Variants in WHRN observed in about 807,000 individuals in gnomAD.
WHRN encodes the protein whirlin.
A neutral mutation model predicts 68.3 loss-of-function variants in WHRN; 41 were observed. The ratio of observed to expected loss-of-function variants is 0.60; its 90% CI spans 0.47 to 0.78. The LOEUF is 0.78. Ranked by LOEUF, WHRN falls within the 30% of genes least tolerant of loss-of-function variation. WHRN has a pLI of 0.00. For missense variants in WHRN, 1,243 were observed against 1,244.7 expected (o/e 1.00, Z 0.02); for synonymous variants, 560 against 561.3 (o/e 1.00, Z 0.03).
intron 7 of WHRN, among the ~76,000 whole-genome samples, chr9:114,409,895 T>A (rs764085112): frequency 6.6e-6 from 1 of 151,974 alleles, no homozygotes; most frequent in Non-Finnish European, 1.5e-5. Flanking sequence ...TAGGGAGTCA[T>A]GCCAGAAACA....
intron 9 of WHRN, 108 bp downstream of exon 9, chr9:114,406,247 C>A (rs1835013951): frequency 1.3e-6 from 2 of 1,496,130 alleles, no homozygotes; most frequent in East Asian, 2.3e-5. Context: ...TGGCCCTGAG[C>A]CCCCTCAACA....
rs570884964 is a variant in WHRN, at chr9:114,436,024, A to G, written c.964-9611T>C. On this transcript the variant is annotated intron_variant, in intron 3 of 11. Coordinates refer to ENST00000362057, the MANE Select transcript of WHRN (RefSeq NM_015404.4). ...TAACATTATCCCAACAAAAACATCA[A>G]CAAGCTTTTGTTAGAAAAGTCAGCA... 3.2e-4 allele frequency among the ~76,000 whole-genome samples: 49 copies of G among 152,336 alleles called. No homozygotes were observed. The South Asian group carries it at 7.5e-3, about 23-fold the overall frequency.
chr9:114,409,739 G>GCT (rs1415908790), intron 7 of WHRN, among the ~76,000 whole-genome samples: 1 of 151,540 alleles, frequency 6.6e-6, no homozygotes, highest in African/African-American at 2.4e-5. Context: ...GCATGCTGTC[G>GCT]CTCACCTCCA....
chr9:114,486,351 C>T (rs1189695635), intron 1 of WHRN, among the ~76,000 whole-genome samples: 1 of 152,228 alleles, frequency 6.6e-6, no homozygotes, highest in East Asian at 1.9e-4. Flanking sequence ...GCATCCAGCA[C>T]ACTTCTGTGA....
Position 114,505,463 on chromosome 9 carries a change from G to C in WHRN, c.-662C>G, listed in dbSNP as rs1463506687. Reference sequence around the variant, plus strand: ...GACTTTGCGAACTGTTGAGCCACCCGGGCCGAGTCTTCCAGCGAGTTCCGA... The same window carrying C: ...GACTTTGCGAACTGTTGAGCCACCCCGGCCGAGTCTTCCAGCGAGTTCCGA... On this transcript the variant is annotated 5_prime_UTR_variant, in exon 1 of 12. Coordinates refer to ENST00000362057, the MANE Select transcript of WHRN (RefSeq NM_015404.4). 1.3e-5 allele frequency: 2 copies of C among 152,280 alleles called. No individual in the cohort carries two copies. The highest frequency in any genetic ancestry group is 4.1e-4 in the South Asian group (2 of 4,840). The allele number at this position is 152,280 out of a possible 1,614,324, so 9.4% of individuals were successfully genotyped here.
chr9:114,502,196 C>A (rs1843991272), intron 1 of WHRN, among the ~76,000 whole-genome samples: 2 of 152,106 alleles, frequency 1.3e-5, no homozygotes, highest in Admixed American at 6.5e-5. Context: ...AGTGGGGTGA[C>A]CCTGGGGCAA....
chr9:114,500,665 A>T (rs1333449956), intron 1 of WHRN, among the ~76,000 whole-genome samples: 1 of 152,206 alleles, frequency 6.6e-6, no homozygotes, highest in Non-Finnish European at 1.5e-5. Flanking sequence ...GTGCCCCGCT[A>T]CCCTGTGTTC....
chr9:114,404,703 C>G (rs1045629970), intron 9 of WHRN, among the ~76,000 whole-genome samples: 6 of 152,224 alleles, frequency 3.9e-5, no homozygotes, highest in African/African-American at 1.4e-4. Context: ...ACCAGCTGTG[C>G]AAGCCTGGGC....
intron 3 of WHRN, among the ~76,000 whole-genome samples, chr9:114,448,442 G>A (rs2132673811): frequency 6.6e-6 from 1 of 152,204 alleles, no homozygotes; most frequent in African/African-American, 2.4e-5. Flanking sequence ...CCCAGTGTGT[G>A]GTCATTTGGT....
rs72748824 is a variant in WHRN, at chr9:114,428,048, C to T, written c.964-1635G>A. 4.6e-3 allele frequency among the ~76,000 whole-genome samples: 697 copies of T among 152,342 alleles called. 3 individuals carry two copies. The highest frequency in any genetic ancestry group is 7.3e-3 in the Non-Finnish European group (497 of 68,026). On this transcript the variant is annotated intron_variant, in intron 3 of 11. Transcript: ENST00000362057. ...GAATTAAAAAAATCATCAGATGAGG[C>T]CAGGCATCGTGGCTCATGCCTGTAA...
chr9:114,440,721 T>C lies in WHRN; in HGVS notation c.964-14308A>G, dbSNP rs74770191. Among the ~76,000 whole-genome samples, 292 of 152,332 alleles carry C rather than the reference T, an allele frequency of 1.9e-3. 2 individuals are homozygous for C. The highest frequency in any genetic ancestry group is 6.8e-3 in the African/African-American group (284 of 41,576). ...TAATTTCAAAGCCACTTTCTGTTGCTAGTTCAGTGTGCTCAAGTTTTGAAA... is the reference window on the plus strand; with the variant it reads ...TAATTTCAAAGCCACTTTCTGTTGCCAGTTCAGTGTGCTCAAGTTTTGAAA... On this transcript the variant is annotated intron_variant, in intron 3 of 11. Coordinates refer to ENST00000362057, the MANE Select transcript of WHRN (RefSeq NM_015404.4).
chr9:114,483,079 G>A (rs1462237757), intron 1 of WHRN, among the ~76,000 whole-genome samples: 2 of 152,218 alleles, frequency 1.3e-5, no homozygotes, highest in Non-Finnish European at 1.5e-5. Flanking sequence ...AGCCACTCAA[G>A]CGTAGACCAT....
intron 3 of WHRN, among the ~76,000 whole-genome samples, chr9:114,430,679 A>G (rs916988813): frequency 6.6e-6 from 1 of 152,210 alleles, no homozygotes; most frequent in African/African-American, 2.4e-5. Flanking sequence ...CATGCCTGTT[A>G]AGTAAATATA....
chr9:114,488,217 G>A (rs1164819554), intron 1 of WHRN, among the ~76,000 whole-genome samples: 1 of 152,196 alleles, frequency 6.6e-6, no homozygotes, highest in Admixed American at 6.5e-5. Context: ...TATGCTCATG[G>A]AGCTGTCATG....
At chr9:114,428,056 C>T (rs1449695689) in intron 3 of WHRN, among the ~76,000 whole-genome samples, 2 of 152,174 alleles carry the variant, frequency 1.3e-5, no homozygotes, top group Non-Finnish European at 2.9e-5. Flanking sequence ...GGCCAGGCAT[C>T]GTGGCTCATG....
intron 3 of WHRN, among the ~76,000 whole-genome samples, chr9:114,462,934 C>T (rs1228108849): frequency 5.3e-5 from 8 of 152,110 alleles, no homozygotes; most frequent in East Asian, 1.9e-4. Context: ...AGAGAGAGGG[C>T]GAGATGCTCA....
chr9:114,474,966 C>G (rs1841530902), intron 2 of WHRN, among the ~76,000 whole-genome samples: 1 of 152,118 alleles, frequency 6.6e-6, no homozygotes, highest in South Asian at 2.1e-4. Flanking sequence ...TACCTCACAC[C>G]CACGAGGACA....
chr9:114,497,636 A>T (rs1056361289), intron 1 of WHRN, among the ~76,000 whole-genome samples: 2 of 152,218 alleles, frequency 1.3e-5, no homozygotes, highest in African/African-American at 4.8e-5. Flanking sequence ...TTGGAATCAA[A>T]GACACAATCA....
At chr9:114,461,357 A>G (rs1033935840) in intron 3 of WHRN, among the ~76,000 whole-genome samples, 3 of 152,312 alleles carry the variant, frequency 2.0e-5, no homozygotes, top group Admixed American at 2.0e-4. Context: ...CTCTATGCAT[A>G]TTTTTGCATT....
Sources: allele counts gnomAD v4.1 joint callset (sites outside exome capture counted in the v4.1 genomes callset), GRCh38; gene constraint gnomAD v4.1.1; transcripts MANE v1.5; gene names NCBI Gene and HGNC (gene_info 2026-07-23, HGNC 2026-07-21).